Variants in PVT1 observed in about 807,000 individuals in gnomAD.
PVT1 encodes CXCR4/PVT1 fusion.
At chr8:127,820,283 C>G (rs1430087840) in intron 2 of PVT1, among the ~76,000 whole-genome samples, 2 of 152,136 alleles carry the variant, frequency 1.3e-5, no homozygotes, top group African/African-American at 4.8e-5. Context: ...CCCTCCCAGC[C>G]CAGAAACTGA....
chr8:127,984,859 TTCTTTC>T (rs1367945551), intron 3 of PVT1, among the ~76,000 whole-genome samples: 2 of 58,136 alleles, frequency 3.4e-5, no homozygotes, highest in East Asian at 9.2e-4. Flanking sequence ...CTTTCTTTCT[TTCTTTC>T]TTTCTTTCTT....
chr8:127,975,382 T>A (rs1381329160), intron 3 of PVT1, among the ~76,000 whole-genome samples: 2 of 152,198 alleles, frequency 1.3e-5, no homozygotes, highest in Non-Finnish European at 2.9e-5. Context: ...ATTTATATAT[T>A]TTTTTATCCT....
intron 5 of PVT1, among the ~76,000 whole-genome samples, chr8:128,085,866 A>C (rs956514677): frequency 6.6e-6 from 1 of 152,220 alleles, no homozygotes; most frequent in Non-Finnish European, 1.5e-5. Context: ...CCAAGATTAG[A>C]GTTTGTGAAG....
At chr8:127,982,672 T>A (rs1482184323) in intron 3 of PVT1, among the ~76,000 whole-genome samples, 1 of 145,848 alleles carries the variant, frequency 6.9e-6, no homozygotes, top group African/African-American at 2.8e-5. Flanking sequence ...ATTAATTAAT[T>A]AATTAATAAA....
At chr8:128,033,819 G>A (rs879831927) in intron 4 of PVT1, among the ~76,000 whole-genome samples, 23 of 152,170 alleles carry the variant, frequency 1.5e-4, no homozygotes, top group African/African-American at 3.1e-4. Flanking sequence ...AGGGAGTCCC[G>A]ATGCCAAATT....
At chr8:128,008,069 A>G (rs1817268414) in intron 4 of PVT1, among the ~76,000 whole-genome samples, 1 of 152,242 alleles carries the variant, frequency 6.6e-6, no homozygotes, top group African/African-American at 2.4e-5. Context: ...CAGAGAAATG[A>G]AAAATTAGAA....
chr8:127,927,111 T>C (rs563233826), intron 3 of PVT1, among the ~76,000 whole-genome samples: 57 of 152,354 alleles, frequency 3.7e-4, no homozygotes, highest in African/African-American at 1.4e-3. Context: ...CGGGCCCTGT[T>C]GCTCAGGAGC....
intron 2 of PVT1, among the ~76,000 whole-genome samples, chr8:127,815,559 A>G (rs1814650896): frequency 1.3e-5 from 2 of 152,146 alleles, no homozygotes; most frequent in African/African-American, 4.8e-5. Flanking sequence ...CAGCTTGATC[A>G]GGTAGATGCT....
chr8:128,056,464 G>T (rs1563676904), intron 4 of PVT1, among the ~76,000 whole-genome samples: 1 of 152,128 alleles, frequency 6.6e-6, no homozygotes, highest in Non-Finnish European at 1.5e-5. Context: ...TGCATGCATA[G>T]CTCGCACAGA....
At chr8:127,982,114 T>A (rs1468599068) in intron 3 of PVT1, among the ~76,000 whole-genome samples, 1 of 152,186 alleles carries the variant, frequency 6.6e-6, no homozygotes, top group African/African-American at 2.4e-5. Context: ...AAATGTAAGA[T>A]GGGGATAATG....
intron 3 of PVT1, chr8:127,947,899 ATAT>A: frequency 2.2e-6 from 1 of 456,678 alleles, no homozygotes; most frequent in South Asian, 1.5e-5. Flanking sequence ...CAGACAGACA[ATAT>A]TATTATCCCC....
At chr8:127,927,054 A>G (rs950662516) in intron 3 of PVT1, among the ~76,000 whole-genome samples, 15 of 152,298 alleles carry the variant, frequency 9.8e-5, no homozygotes, top group African/African-American at 3.6e-4. Context: ...GGAAGGCTGC[A>G]TGGGAAACTC....
intron 2 of PVT1, among the ~76,000 whole-genome samples, chr8:127,805,126 C>G (rs756725567): frequency 1.3e-5 from 2 of 151,728 alleles, no homozygotes; most frequent in Non-Finnish European, 2.9e-5. Context: ...GACGGGGTTT[C>G]TCCACGTTGG....
At chr8:127,992,386 A>G (rs1359443677) in intron 4 of PVT1, among the ~76,000 whole-genome samples, 2 of 152,262 alleles carry the variant, frequency 1.3e-5, no homozygotes, top group East Asian at 3.8e-4. Flanking sequence ...CTCTGTCTCA[A>G]AACACACGTA....
intron 3 of PVT1, among the ~76,000 whole-genome samples, chr8:127,907,288 A>G (rs1057084264): frequency 1.3e-5 from 2 of 152,104 alleles, no homozygotes; most frequent in Non-Finnish European, 2.9e-5. Context: ...ACTCTTGAGC[A>G]TGTTTCCAGA....
intron 3 of PVT1, among the ~76,000 whole-genome samples, chr8:127,952,968 G>T (rs1816524250): frequency 6.6e-6 from 1 of 152,034 alleles, no homozygotes; most frequent in South Asian, 2.1e-4. Flanking sequence ...GTTTCACCAT[G>T]TTGGCCAGGA....
At chr8:127,803,722 A>G (rs1412057884) in intron 2 of PVT1, among the ~76,000 whole-genome samples, 2 of 95,908 alleles carry the variant, frequency 2.1e-5, no homozygotes, top group Non-Finnish European at 2.2e-5. Context: ...CTGTCTCTAC[A>G]GTTTTTTTTT....
intron 3 of PVT1, among the ~76,000 whole-genome samples, chr8:127,937,548 G>GACACAC (rs35147410): frequency 5.5e-4 from 68 of 122,692 alleles, no homozygotes; most frequent in African/African-American, 1.7e-3. Context: ...TAGGGAAAAA[G>GACACAC]ACACACACAC....
At chr8:128,014,562 CTGGCCGTG>C in intron 4 of PVT1, among the ~76,000 whole-genome samples, 1 of 152,306 alleles carries the variant, frequency 6.6e-6, no homozygotes, top group African/African-American at 2.4e-5. Context: ...CTGGCCGTGT[CTGGCCGTG>C]GGCGGTGCTG....
Sources: allele counts gnomAD v4.1 joint callset (sites outside exome capture counted in the v4.1 genomes callset), GRCh38; gene constraint gnomAD v4.1.1; transcripts MANE v1.5; gene names NCBI Gene and HGNC (gene_info 2026-07-23, HGNC 2026-07-21).